Variants in TBCK observed in about 807,000 individuals in gnomAD.
TBCK encodes the protein TBC domain-containing protein kinase-like protein.
TBCK carries 99 observed loss-of-function variants against 113.4 expected under a neutral mutation model. That is an observed-to-expected ratio of 0.87 (90% CI 0.74 to 1.03). The LOEUF is 1.03. Among genes scored for constraint, TBCK ranks in the 50% least tolerant of loss-of-function variants. The probability of loss-of-function intolerance (pLI) is 0.00; values close to 1 mark genes in which losing one functional copy is unlikely to be tolerated. For synonymous variants in TBCK, 369 were observed against 370.8 expected (o/e 1.00, Z 0.05); for missense variants, 1,045 against 1,061.3 (o/e 0.98, Z 0.21).
chr4:106,095,540 T>C lies in TBCK; in HGVS notation c.2513A>G (p.Gln838Arg), dbSNP rs1248751121. Residue 838 changes from glutamine (Q) to arginine (R), a missense_variant, in exon 25 of 26, where the codon CAG (glutamine) becomes CGG (arginine). Gln to Arg is a conservative substitution (Grantham distance 43, BLOSUM62 1). Transcript: ENST00000394708. Reference protein sequence around the residue: ...LTQGPYTAMLQNFKGKVIVIV... With the variant: ...LTQGPYTAMLRNFKGKVIVIV... Reference sequence around the variant, plus strand: ...GACAATGACCTTCCCTTTGAAGTTCTGGAGCATAGCAGTGTAAGGGCCCTG... The same window carrying C: ...GACAATGACCTTCCCTTTGAAGTTCCGGAGCATAGCAGTGTAAGGGCCCTG... The C allele has an allele frequency of 1.9e-6, 3 of 1,614,050 alleles. No individual in the cohort carries two copies. The highest frequency in any genetic ancestry group is 2.5e-6 in the Non-Finnish European group (3 of 1,180,014).
chr4:106,101,297 ACATTGCT>A (rs1293118334), intron 24 of TBCK, among the ~76,000 whole-genome samples: 1 of 152,182 alleles, frequency 6.6e-6, no homozygotes, highest in Non-Finnish European at 1.5e-5. Flanking sequence ...AGACATGAAG[ACATTGCT>A]CAGCAGTTGC....
rs370050799 is a variant in TBCK at position 106,171,171 on chromosome 4, G to A, written c.2159C>T (p.Ser720Phe). The A allele has an allele frequency of 3.0e-5, 48 of 1,612,880 alleles. No individual in the cohort carries two copies. In the Middle Eastern group the frequency reaches 5.0e-4, roughly 17 times the overall value. ...YRQHAQPPKPSSDSSGGRSSA... is the reference protein window; with the variant it reads ...YRQHAQPPKPFSDSSGGRSSA... ...ACTTCTGCCTCCACTGCTGTCAGAA[G>A]ATGGCTTTGGAGGTTGAGCATGCTG... Residue 720 changes from serine (S) to phenylalanine (F), a missense_variant, in exon 23 of 26, where the codon TCT (serine) becomes TTT (phenylalanine). Transcript: ENST00000394708.
At chr4:106,164,195 C>T (rs567403070) in intron 23 of TBCK, among the ~76,000 whole-genome samples, 99 of 152,038 alleles carry the variant, frequency 6.5e-4, no homozygotes, top group African/African-American at 2.3e-3. Context: ...CTAAAATTGC[C>T]TACAGAACAT....
intron 25 of TBCK, among the ~76,000 whole-genome samples, chr4:106,077,527 GACAA>G (rs1222220461): frequency 6.6e-6 from 1 of 152,090 alleles, no homozygotes; most frequent in African/African-American, 2.4e-5. Context: ...TCTTATACCA[GACAA>G]ACAAACATTA....
At chr4:106,090,447 C>T (rs192204063) in intron 25 of TBCK, among the ~76,000 whole-genome samples, 3 of 152,290 alleles carry the variant, frequency 2.0e-5, no homozygotes, top group African/African-American at 7.2e-5. Context: ...AGGCCTTTTA[C>T]CCATTGTCTT....
intron 3 of TBCK, among the ~76,000 whole-genome samples, chr4:106,279,449 T>C (rs536639768): frequency 6.6e-6 from 1 of 152,330 alleles, no homozygotes; most frequent in East Asian, 1.9e-4. Context: ...CCTTTATTGG[T>C]ATTAGAAACA....
At chr4:106,124,349 C>G (rs945535568) in intron 23 of TBCK, among the ~76,000 whole-genome samples, 1 of 152,148 alleles carries the variant, frequency 6.6e-6, no homozygotes, top group African/African-American at 2.4e-5. Context: ...AGTCAGGAAA[C>G]AACAGGTGCT....
In TBCK at chr4:106,116,376, T is replaced by C; in HGVS notation, c.2238A>G (p.Ser746=). Residue 746 remains serine (S), a splice_region_variant and synonymous_variant, in exon 24 of 26, where the codon TCA becomes TCG. Transcript: ENST00000394708. Reference sequence around the variant, plus strand: ...GGTCATTTAATGGGATGGATTCTCTTGACTGAAAAAAAAAATGTACAAAAA... The same window carrying C: ...GGTCATTTAATGGGATGGATTCTCTCGACTGAAAAAAAAAATGTACAAAAA... The part of the protein sequence containing the change: ...ECPDPPKTDL[S]RESIPLNDLK... 1 of 1,596,424 alleles carries C rather than the reference T, an allele frequency of 6.3e-7. No homozygotes were observed. Among genetic ancestry groups the C allele is most frequent in the Non-Finnish European group, 8.5e-7 (1 of 1,174,448 alleles).
chr4:106,060,699 T>C (rs562050672), intron 25 of TBCK, among the ~76,000 whole-genome samples: 8 of 151,780 alleles, frequency 5.3e-5, no homozygotes, highest in Non-Finnish European at 1.2e-4. Flanking sequence ...CTTTAAGAAA[T>C]ACATTTTGTA....
At chr4:106,311,384 T>G (rs544296129) in intron 1 of TBCK, among the ~76,000 whole-genome samples, 14 of 152,034 alleles carry the variant, frequency 9.2e-5, no homozygotes, top group African/African-American at 3.4e-4. Flanking sequence ...TAATGAAAAA[T>G]AAGCAAACTA....
intron 25 of TBCK, among the ~76,000 whole-genome samples, chr4:106,069,332 G>A (rs1210259303): frequency 6.6e-6 from 1 of 152,170 alleles, no homozygotes; most frequent in African/African-American, 2.4e-5. Flanking sequence ...TAAGGTGTAA[G>A]GAAGGGATCC....
chr4:106,244,621 CT>C lies in TBCK; in HGVS notation c.1070+4del. 1 of 1,554,392 alleles carries C rather than the reference CT, an allele frequency of 6.4e-7. No homozygotes were observed. The highest frequency in any genetic ancestry group is 8.6e-7 in the Non-Finnish European group (1 of 1,158,160). ...TAAATTCCCAAGAGAAGTTTCTTTC[CT>C]TACTTGGGGAGTGTGCAGATAGGTG... On this transcript the variant is annotated splice_donor_region_variant and intron_variant, in intron 11 of 25. Coordinates refer to ENST00000394708, the MANE Select transcript of TBCK (RefSeq NM_001163435.3).
chr4:106,285,767 A>C (rs1765052703), intron 3 of TBCK, among the ~76,000 whole-genome samples: 1 of 152,182 alleles, frequency 6.6e-6, no homozygotes, highest in African/African-American at 2.4e-5. Context: ...CCCCATCTAA[A>C]TAGGTTTCCT....
chr4:106,047,528 A>C (rs181067025), intron 25 of TBCK, among the ~76,000 whole-genome samples: 8 of 152,182 alleles, frequency 5.3e-5, no homozygotes, highest in Admixed American at 1.3e-4. Flanking sequence ...AACCTGCCTA[A>C]CTTCTATTCA....
At position 106,042,039 on chromosome 4, in the gene TBCK, A is replaced by G. The variant is rs1733901849; in HGVS notation, c.*4531T>C. ...CTGTTAAATGTCAAGTGTCAGTTAAAGTTTGAAACTCTTCACCATTAGTTT... is the reference window on the plus strand; with the variant it reads ...CTGTTAAATGTCAAGTGTCAGTTAAGGTTTGAAACTCTTCACCATTAGTTT... On this transcript the variant is annotated 3_prime_UTR_variant, in exon 26 of 26. Coordinates refer to ENST00000394708, the MANE Select transcript of TBCK (RefSeq NM_001163435.3). 1 of 152,266 alleles carries G rather than the reference A, an allele frequency of 6.6e-6. No individual in the cohort carries two copies. Among genetic ancestry groups the G allele is most frequent in the South Asian group, 2.1e-4 (1 of 4,832 alleles). 9.4% of individuals were successfully genotyped at this position (152,266 alleles called of 1,614,324 possible).
rs192460335 is a variant in TBCK at position 106,045,571 on chromosome 4, C to T, written c.*999G>A. ...TTAAAGCTAGGTGTGGCCATGCACC[C>T]AAGTTCTGGCCAATGATATGTAAGC... On this transcript the variant is annotated 3_prime_UTR_variant, in exon 26 of 26. Transcript: ENST00000394708. 6 of 152,284 alleles carry T rather than the reference C, an allele frequency of 3.9e-5. No homozygotes were observed. The highest frequency in any genetic ancestry group is 2.0e-4 in the Admixed American group (3 of 15,298). The allele number at this position is 152,284 out of a possible 1,614,324, so 9.4% of individuals were successfully genotyped here.
In TBCK at chr4:106,308,614, G is replaced by A. The variant is rs112058764; in HGVS notation, c.193+154C>T. Among the ~76,000 whole-genome samples the A allele has an allele frequency of 4.6e-3, 695 of 152,292 alleles. 3 individuals are homozygous for A. Among genetic ancestry groups the A allele is most frequent in the South Asian group, 0.02 (96 of 4,824 alleles). On this transcript the variant is annotated intron_variant, in intron 2 of 25. Transcript: ENST00000394708. ...TTTGCAAGTAAATGGGGAAGTGTAC[G>A]AGAGAGAGGCAGGGTGGGGGAAAAG... is the stretch of plus-strand genomic sequence containing the variant.
intron 23 of TBCK, among the ~76,000 whole-genome samples, chr4:106,166,972 G>A (rs1220756885): frequency 2.0e-5 from 3 of 150,422 alleles, no homozygotes; most frequent in Non-Finnish European, 3.0e-5. Context: ...CATTAAACTC[G>A]GGAACAAGTA....
rs554107343 is a variant in TBCK, at chr4:106,292,188, A to G, written c.266+2906T>C. On this transcript the variant is annotated intron_variant, in intron 3 of 25. Transcript: ENST00000394708. ...TAAATGTGAGTCTATGCACTGTGCC[A>G]TCCATACAGAAATGCCGGCTACCTG... Among the ~76,000 whole-genome samples the G allele has an allele frequency of 1.8e-4, 28 of 152,282 alleles. No homozygotes were observed. The South Asian group carries it at 5.6e-3, about 30-fold the overall frequency.
Sources: gnomAD v4.1 joint callset for allele counts (sites outside exome capture counted in the v4.1 genomes callset) on GRCh38, gnomAD v4.1.1 for gene constraint, MANE v1.5 for transcripts, NCBI Gene and HGNC (gene_info 2026-07-23, HGNC 2026-07-21) for gene names.